The following POLK variants were observed in gnomAD, a reference collection of about 807,000 sequenced individuals.
POLK encodes the protein DNA polymerase kappa, also known as polymerase (DNA directed) kappa.
A neutral mutation model predicts 94.0 loss-of-function variants in POLK; 76 were observed. The observed-to-expected ratio is 0.81, with a 90% CI of 0.67 to 0.98. The LOEUF (loss-of-function observed/expected upper bound fraction) is 0.98. Ranked by LOEUF, POLK falls within the 50% of genes least tolerant of loss-of-function variation. The pLI, the probability that POLK is intolerant of heterozygous loss-of-function variation, is 0.00. For synonymous variants in POLK, 349 were observed against 325.4 expected, an observed-to-expected ratio of 1.07 and a Z score of -0.78; for missense variants, 954 against 1,010.1, an observed-to-expected ratio of 0.94 and a Z score of 0.75.
rs925238236 is a variant in POLK, at chr5:75,563,841, G to T, written c.256-5499G>T. Among the ~76,000 whole-genome samples, 3 of 152,134 alleles carry T rather than the reference G, an allele frequency of 2.0e-5. No individual in the cohort carries two copies. In the East Asian group the frequency reaches 5.8e-4, roughly 29 times the overall value. The stretch of plus-strand genomic sequence containing the variant: ...ATGTGGTCAATTTTAGAATAATTGC[G>T]ATGTGTTGCTGAGAAGAATGTATAT... On this transcript the variant is annotated intron_variant, in intron 3 of 14. Coordinates refer to ENST00000241436, the Ensembl canonical transcript of POLK.
Position 75,589,384 on chromosome 5 carries a change from CACAT to C in POLK, c.1260-956_1260-953del, listed in dbSNP as rs1285552256. 3.4e-3 allele frequency among the ~76,000 whole-genome samples: 363 copies of C among 106,276 alleles called. 1 individual carries two copies. The highest frequency in any genetic ancestry group is 0.013 in the African/African-American group (342 of 25,780). The allele number at this position is 106,276 out of a possible 152,430, so 69.7% of individuals were successfully genotyped here. On this transcript the variant is annotated intron_variant, in intron 10 of 14. Transcript: ENST00000241436. The stretch of plus-strand genomic sequence containing the variant: ...TGTTTGCTTATTTTATATATATACA[CACAT>C]ACACACACACACACACACACACACA...
At chr5:75,561,497 G>A (rs1267905060) in intron 3 of POLK, among the ~76,000 whole-genome samples, 1 of 152,160 alleles carries the variant, frequency 6.6e-6, no homozygotes, top group African/African-American at 2.4e-5. Context: ...CTGTGCAGAA[G>A]CTCTTTAGTT....
At chr5:75,575,833 G>A (rs903125489) in intron 5 of POLK, among the ~76,000 whole-genome samples, 4 of 152,054 alleles carry the variant, frequency 2.6e-5, no homozygotes, top group Non-Finnish European at 5.9e-5. Context: ...TATAAAAGAA[G>A]AAACAGTTTT....
Position 75,589,388 on chromosome 5 carries a change from TACACACACACACAC to T in POLK, c.1260-919_1260-906del, listed in dbSNP as rs71600465. ...TGCTTATTTTATATATATACACACA[TACACACACACACAC>T]ACACACACACACACACACACACACA... On this transcript the variant is annotated intron_variant, in intron 10 of 14. Coordinates refer to ENST00000241436, the Ensembl canonical transcript of POLK. Among the ~76,000 whole-genome samples the T allele has an allele frequency of 1.3e-3, 162 of 128,318 alleles. 1 individual carries two copies. The highest frequency in any genetic ancestry group is 1.7e-3 in the Non-Finnish European group (102 of 61,388). The allele number at this position is 128,318 out of a possible 152,430, so 84.2% of individuals were successfully genotyped here. A position where few individuals can be genotyped will look rare whatever the true frequency, so the allele number is the denominator to read the frequency against.
At chr5:75,597,820 G>C (rs1235883647) in intron 14 of POLK, 31 bp downstream of exon 14, 3 of 1,375,978 alleles carry the variant, frequency 2.2e-6, no homozygotes, top group Non-Finnish European at 3.0e-6. Flanking sequence ...AATAAAGCTG[G>C]CTACAATATG....
At chr5:75,521,679 T>G (rs967611206) in intron 1 of POLK, among the ~76,000 whole-genome samples, 1 of 152,194 alleles carries the variant, frequency 6.6e-6, no homozygotes. Flanking sequence ...CATTGAAACA[T>G]TATTTATTTA....
rs1302107897 is a variant in POLK, at chr5:75,519,664, T to C, written c.-14+7750T>C. On this transcript the variant is annotated intron_variant, in intron 1 of 14. Transcript: ENST00000241436. ...CTCACTTTTTGGAGTCTTTGACTTATAGTCGTATTTTATCTGATATGTTAG... is the reference window on the plus strand; with the variant it reads ...CTCACTTTTTGGAGTCTTTGACTTACAGTCGTATTTTATCTGATATGTTAG... Among the ~76,000 whole-genome samples, 7 of 152,238 alleles carry C rather than the reference T, an allele frequency of 4.6e-5. No homozygotes were observed. The East Asian group carries it at 9.6e-4, about 21-fold the overall frequency.
intron 8 of POLK, among the ~76,000 whole-genome samples, chr5:75,584,441 G>T (rs1020160767): frequency 5.3e-5 from 8 of 152,022 alleles, no homozygotes. Context: ...GGCCAGGGTG[G>T]GCGGATCACC....
At chr5:75,596,730 A>G in exon 13 of POLK, 1 of 1,613,492 alleles carries the variant, frequency 6.2e-7, no homozygotes, top group Non-Finnish European at 8.5e-7. Context: ...CTGCTTCTTC[A>G]CTTTGTGAGA....
intron 1 of POLK, among the ~76,000 whole-genome samples, chr5:75,541,405 A>AAAGAAGATAATTTCCACTTATTGT (rs1310414031): frequency 6.6e-6 from 1 of 152,222 alleles, no homozygotes; most frequent in Admixed American, 6.5e-5. Context: ...CATCCTGTCG[A>AAAGAAGATAATTTCCACTTATTGT]AAGAAGATAA....
At chr5:75,604,102 T>C (rs751277419), downstream of POLK, among the ~76,000 whole-genome samples, 3 of 152,208 alleles carry the variant, frequency 2.0e-5, no homozygotes, top group Non-Finnish European at 2.9e-5. Flanking sequence ...TTTACTACTA[T>C]CTTATTGTTT....
chr5:75,549,149 A>T (rs1405253221), intron 2 of POLK, among the ~76,000 whole-genome samples: 7 of 152,090 alleles, frequency 4.6e-5, no homozygotes, highest in Non-Finnish European at 1.0e-4. Flanking sequence ...GACTTTTTTG[A>T]TATTTTCATC....
exon 13 of POLK, chr5:75,596,975 A>G: frequency 1.2e-6 from 2 of 1,613,832 alleles, no homozygotes; most frequent in Non-Finnish European, 1.7e-6. Context: ...TCATTTAGAC[A>G]AGAATACCGC....
chr5:75,572,304 T>C (rs1771638384), intron 4 of POLK, among the ~76,000 whole-genome samples: 1 of 152,180 alleles, frequency 6.6e-6, no homozygotes, highest in Admixed American at 6.6e-5. Flanking sequence ...AATTAAGCCT[T>C]AAGAAAAACC....
At chr5:75,530,708 A>G (rs192174028) in intron 1 of POLK, among the ~76,000 whole-genome samples, 1 of 151,862 alleles carries the variant, frequency 6.6e-6, no homozygotes, top group Non-Finnish European at 1.5e-5. Context: ...TTATCTGTAT[A>G]TTAGTCTGTT....
chr5:75,511,968 G>A lies in POLK; in HGVS notation c.-14+54G>A. 4 of 685,604 alleles carry A rather than the reference G, an allele frequency of 5.8e-6. No individual in the cohort carries two copies. The South Asian group carries it at 7.9e-5, about 14-fold the overall frequency. The allele number at this position is 685,604 out of a possible 1,614,324, so 42.5% of individuals were successfully genotyped here. On this transcript the variant is annotated intron_variant, in intron 1 of 14. Transcript: ENST00000241436. ...CCCCTTGGGGCCTTGTCAGTCGGTG[G>A]GTGGGCTTCGTTTGACAGTTGCGTG...
At chr5:75,569,088 A>G (rs1181373770) in intron 3 of POLK, among the ~76,000 whole-genome samples, 2 of 152,196 alleles carry the variant, frequency 1.3e-5, no homozygotes, top group Non-Finnish European at 1.5e-5. Context: ...TTTTAATTTA[A>G]AAAACAATAC....
At chr5:75,599,772 T>C (rs1465012116) in exon 15 of POLK, 1 of 152,176 alleles carries the variant, frequency 6.6e-6, no homozygotes, top group African/African-American at 2.4e-5. Context: ...TATTATCATT[T>C]AGTAATATTT....
At chr5:75,609,288 G>A in the POLK span, 1 of 151,284 alleles carries the variant, frequency 6.6e-6, no homozygotes, top group African/African-American at 2.4e-5. Flanking sequence ...TTTTGAGATA[G>A]GGTCTGGCTC....
Sources: gnomAD v4.1 joint callset for allele counts (sites outside exome capture counted in the v4.1 genomes callset) on GRCh38, gnomAD v4.1.1 for gene constraint, MANE v1.5 for transcripts, NCBI Gene and HGNC (gene_info 2026-07-23, HGNC 2026-07-21) for gene names.